The following ARHGAP39 variants were observed in gnomAD, a reference collection of about 807,000 sequenced individuals.
The protein encoded by ARHGAP39 is Rho GTPase activating protein 39, also known as rho GTPase-activating protein 39.
In ARHGAP39, 44 loss-of-function variants were observed where a neutral mutation model predicts 106.9. That is an observed-to-expected ratio of 0.41 (90% CI 0.32 to 0.53). The LOEUF is 0.53. Ranked by LOEUF, ARHGAP39 falls within the 20% of genes least tolerant of loss-of-function variation. ARHGAP39 has a pLI of 0.21. For missense variants in ARHGAP39, 1,496 were observed against 1,577.3 expected (o/e 0.95, Z 0.87); for synonymous variants, 768 against 693.2 (o/e 1.11, Z -1.69).
Position 144,650,459 on chromosome 8 carries a change from T to C in ARHGAP39, c.-82+35227A>G, listed in dbSNP as rs535059897. On this transcript the variant is annotated intron_variant, in intron 1 of 11. Transcript: ENST00000377307. ...CAGAGGCACAACAACAAAAAATATA[T>C]ATATTCAGGCCAACATCCTTGATGC... Among the ~76,000 whole-genome samples, 92 of 152,018 alleles carry C rather than the reference T, an allele frequency of 6.1e-4. 2 individuals are homozygous for C. The highest frequency in any genetic ancestry group is 1.9e-3 in the African/African-American group (80 of 41,454).
At chr8:144,629,436 G>A (rs1181261182) in intron 1 of ARHGAP39, among the ~76,000 whole-genome samples, 1 of 152,236 alleles carries the variant, frequency 6.6e-6, no homozygotes, top group Non-Finnish European at 1.5e-5. Flanking sequence ...GGCTGCATGG[G>A]CCCTGGCAGA....
intron 1 of ARHGAP39, among the ~76,000 whole-genome samples, chr8:144,636,320 T>C (rs1821171937): frequency 6.6e-6 from 1 of 152,176 alleles, no homozygotes; most frequent in Non-Finnish European, 1.5e-5. Context: ...AGTGGAGGAT[T>C]AGCAATTAAG....
rs200608531 is a variant in ARHGAP39, at chr8:144,567,976, ATC to A, written c.513-12335_513-12334del. 2.5e-3 allele frequency among the ~76,000 whole-genome samples: 373 copies of A among 152,042 alleles called. 3 individuals are homozygous for A. In the East Asian group the frequency reaches 0.041, roughly 17 times the overall value. ...CCTGGGCCCAGCTGTCTTTTCTTTT[ATC>A]TCTTTGTCTTGTGTCTTTATTTCTA... On this transcript the variant is annotated intron_variant, in intron 3 of 11. Coordinates refer to ENST00000377307, the MANE Select transcript of ARHGAP39 (RefSeq NM_025251.3).
At chr8:144,565,902 G>A (rs181303049) in intron 3 of ARHGAP39, among the ~76,000 whole-genome samples, 279 of 146,312 alleles carry the variant, frequency 1.9e-3, no homozygotes, top group African/African-American at 6.5e-3. Flanking sequence ...GACCAGCCTG[G>A]GAAAAACAGA....
chr8:144,537,396 G>C (rs908472218), intron 7 of ARHGAP39, among the ~76,000 whole-genome samples: 2 of 152,074 alleles, frequency 1.3e-5, no homozygotes, highest in African/African-American at 2.4e-5. Context: ...ACTTCCCTGT[G>C]GGGGTCAGGC....
intron 1 of ARHGAP39, among the ~76,000 whole-genome samples, chr8:144,665,166 T>G (rs1331325780): frequency 6.6e-6 from 1 of 152,224 alleles, no homozygotes; most frequent in African/African-American, 2.4e-5. Flanking sequence ...ATTTTGCCCC[T>G]GCCCTAGAGA....
chr8:144,630,304 C>A (rs1821029185), intron 1 of ARHGAP39, among the ~76,000 whole-genome samples: 1 of 152,210 alleles, frequency 6.6e-6, no homozygotes, highest in Admixed American at 6.5e-5. Context: ...TGAAACCATG[C>A]CTGTCTGGAA....
At chr8:144,571,431 C>T (rs992785026) in intron 3 of ARHGAP39, among the ~76,000 whole-genome samples, 9 of 152,138 alleles carry the variant, frequency 5.9e-5, no homozygotes, top group Non-Finnish European at 1.2e-4. Context: ...CAACAAAATT[C>T]GACAGCGCTT....
intron 3 of ARHGAP39, among the ~76,000 whole-genome samples, chr8:144,568,333 C>CAAA (rs34670018): frequency 0.019 from 882 of 46,918 alleles, 122 homozygotes; most frequent in East Asian, 0.029. Context: ...GACTCTGTCT[C>CAAA]AAAAAAAAAA....
chr8:144,558,141 C>T (rs1327630347), intron 3 of ARHGAP39, among the ~76,000 whole-genome samples: 1 of 152,062 alleles, frequency 6.6e-6, no homozygotes, highest in African/African-American at 2.4e-5. Flanking sequence ...TGTGCTGTAT[C>T]AATATGAATA....
rs1024963398 is a variant in ARHGAP39, at chr8:144,670,029, T to C, written c.-82+15657A>G. Among the ~76,000 whole-genome samples the C allele has an allele frequency of 7.2e-5, 11 of 152,156 alleles. No individual in the cohort carries two copies. The highest frequency in any genetic ancestry group is 2.7e-4 in the African/African-American group (11 of 41,420). ...CACAAATATTCATAATAGTCAAATA[T>C]GGAAACAACTCAAAATGCCCAGCAA... On this transcript the variant is annotated intron_variant, in intron 1 of 11. Coordinates refer to ENST00000377307, the MANE Select transcript of ARHGAP39 (RefSeq NM_025251.3). The surrounding 1 kb of genome is among the most constrained non-coding windows in gnomAD (Gnocchi z 4.4).
At chr8:144,652,872 T>C (rs1163125044) in intron 1 of ARHGAP39, among the ~76,000 whole-genome samples, 5 of 151,674 alleles carry the variant, frequency 3.3e-5, no homozygotes, top group Non-Finnish European at 5.9e-5. Flanking sequence ...TGACATGAGT[T>C]CACCTATGTA....
chr8:144,668,200 G>T (rs915286947), intron 1 of ARHGAP39, among the ~76,000 whole-genome samples: 2 of 152,284 alleles, frequency 1.3e-5, no homozygotes, highest in Middle Eastern at 6.8e-3. Context: ...CCAGCACTTC[G>T]GGAGGCCAAG....
chr8:144,663,412 C>T (rs1212528035), intron 1 of ARHGAP39, among the ~76,000 whole-genome samples: 1 of 152,116 alleles, frequency 6.6e-6, no homozygotes, highest in Non-Finnish European at 1.5e-5. Flanking sequence ...AAGAGAGAGA[C>T]AGCTCTCAAG....
chr8:144,627,429 C>G (rs189560538), intron 1 of ARHGAP39, among the ~76,000 whole-genome samples: 1 of 151,978 alleles, frequency 6.6e-6, no homozygotes, highest in East Asian at 1.9e-4. Flanking sequence ...GTGGTGGGCA[C>G]CTGTATTCCC....
intron 2 of ARHGAP39, among the ~76,000 whole-genome samples, chr8:144,581,549 G>C (rs1274090665): frequency 1.3e-5 from 2 of 152,212 alleles, no homozygotes; most frequent in Non-Finnish European, 2.9e-5. Flanking sequence ...TGTGGTTGCA[G>C]GCTCCTGTCC....
chr8:144,693,113 G>GT, the ARHGAP39 span, among the ~76,000 whole-genome samples: 15 of 138,834 alleles, frequency 1.1e-4, no homozygotes, highest in Non-Finnish European at 1.5e-4. Flanking sequence ...CACCCAGGCT[G>GT]GAGAGCAATG....
intron 1 of ARHGAP39, among the ~76,000 whole-genome samples, chr8:144,638,621 GA>G (rs2097414605): frequency 6.6e-6 from 1 of 152,172 alleles, no homozygotes; most frequent in South Asian, 2.1e-4. Flanking sequence ...TACATAATCT[GA>G]CATTTAACCT....
At chr8:144,616,908 A>G (rs1358910458) in intron 1 of ARHGAP39, among the ~76,000 whole-genome samples, 1 of 152,232 alleles carries the variant, frequency 6.6e-6, no homozygotes, top group Non-Finnish European at 1.5e-5. Flanking sequence ...GAATCAACAA[A>G]CACTATTTTA....
Sources: allele counts gnomAD v4.1 joint callset (sites outside exome capture counted in the v4.1 genomes callset), GRCh38; gene constraint gnomAD v4.1.1; non-coding constraint Gnocchi (gnomAD v3.1); transcripts MANE v1.5; gene names NCBI Gene and HGNC (gene_info 2026-07-23, HGNC 2026-07-21).